The following TBC1D19 variants were observed in gnomAD, a reference collection of about 807,000 sequenced individuals.
TBC1D19 encodes TBC1 domain family, member 19.
In TBC1D19, 60 loss-of-function variants were observed where a neutral mutation model predicts 89.0. That is an observed-to-expected ratio of 0.67 (90% confidence interval 0.55 to 0.84). TBC1D19 has a LOEUF of 0.84. Ranked by LOEUF, TBC1D19 falls within the 40% of genes least tolerant of loss-of-function variation. The pLI is 0.00. For synonymous variants in TBC1D19, 189 were observed against 199.7 expected (o/e 0.95, Z 0.45); for missense variants, 500 against 610.8 (o/e 0.82, Z 1.91).
At chr4:26,833,548 C>T in the TBC1D19 span, among the ~76,000 whole-genome samples, 1 of 152,152 alleles carries the variant, frequency 6.6e-6, no homozygotes, top group Non-Finnish European at 1.5e-5. Context: ...CAGTCAGTAG[C>T]AGTAAAGGTG....
intron 7 of TBC1D19, among the ~76,000 whole-genome samples, chr4:26,650,463 GTGA>G (rs1398764289): frequency 6.6e-6 from 1 of 152,300 alleles, no homozygotes; most frequent in African/African-American, 2.4e-5. Flanking sequence ...CTGATGGCCA[GTGA>G]TGATGAGCAT....
chr4:26,623,532 C>CT (rs1742208662), intron 4 of TBC1D19, among the ~76,000 whole-genome samples: 1 of 152,148 alleles, frequency 6.6e-6, no homozygotes, highest in African/African-American at 2.4e-5. Context: ...CAGCTTCCTT[C>CT]TTTTTTGTTG....
At chr4:26,694,256 C>A (rs974317464) in intron 13 of TBC1D19, among the ~76,000 whole-genome samples, 5 of 152,304 alleles carry the variant, frequency 3.3e-5, no homozygotes, top group African/African-American at 1.2e-4. Context: ...TTATATCCCA[C>A]CCCTGGCTCG....
At chr4:26,784,427 A>G in the TBC1D19 span, among the ~76,000 whole-genome samples, 2 of 152,202 alleles carry the variant, frequency 1.3e-5, no homozygotes, top group Admixed American at 6.5e-5. Context: ...TCTCAGGCCA[A>G]TAGCCATCTT....
chr4:26,706,983 CATGGA>C (rs1715786893), intron 13 of TBC1D19, among the ~76,000 whole-genome samples: 1 of 151,930 alleles, frequency 6.6e-6, no homozygotes, highest in East Asian at 1.9e-4. Context: ...TGTGCATTTA[CATGGA>C]ATGTGTATGC....
At chr4:26,754,205 A>G in intron 20 of TBC1D19, 1 of 231,848 alleles carries the variant, frequency 4.3e-6, no homozygotes, top group Non-Finnish European at 8.6e-6. Context: ...GTTCATGTCC[A>G]TGCATTATTT....
chr4:26,658,880 CTGTT>C (rs1382458668), intron 7 of TBC1D19, among the ~76,000 whole-genome samples: 6 of 152,098 alleles, frequency 3.9e-5, no homozygotes, highest in African/African-American at 1.2e-4. Context: ...ATTTGGCTCT[CTGTT>C]TGTCTGTTAT....
chr4:26,640,331 T>C, intron 7 of TBC1D19, 144 bp downstream of exon 7: 2 of 612,664 alleles, frequency 3.3e-6, no homozygotes, highest in Non-Finnish European at 5.7e-6. Flanking sequence ...ATCAGATCTG[T>C]GTTTGAAAAT....
At chr4:26,791,447 G>C in the TBC1D19 span, among the ~76,000 whole-genome samples, 2 of 152,260 alleles carry the variant, frequency 1.3e-5, no homozygotes, top group South Asian at 4.1e-4. Context: ...AGCCACTAAA[G>C]GGTTCCGAGC....
At chr4:26,839,204 T>A in the TBC1D19 span, among the ~76,000 whole-genome samples, 3 of 152,158 alleles carry the variant, frequency 2.0e-5, no homozygotes, top group Admixed American at 2.0e-4. Flanking sequence ...AAGGGTTTTT[T>A]TTTCCTTAAA....
intron 13 of TBC1D19, among the ~76,000 whole-genome samples, chr4:26,710,189 A>T (rs1428125195): frequency 6.6e-6 from 1 of 151,304 alleles, no homozygotes; most frequent in Non-Finnish European, 1.5e-5. Context: ...CTCTCCCCCA[A>T]CCCCACAACA....
At chr4:26,663,260 A>G (rs927736996) in intron 8 of TBC1D19, among the ~76,000 whole-genome samples, 3 of 152,244 alleles carry the variant, frequency 2.0e-5, no homozygotes, top group African/African-American at 7.2e-5. Flanking sequence ...AAACATTGAT[A>G]AGTACCACAT....
the TBC1D19 span, among the ~76,000 whole-genome samples, chr4:26,822,826 A>G: frequency 6.6e-6 from 1 of 152,226 alleles, no homozygotes. Context: ...TAGAGTTTAA[A>G]ACATGTCAGA....
At chr4:26,602,961 G>A (rs998559799) in intron 1 of TBC1D19, among the ~76,000 whole-genome samples, 2 of 152,206 alleles carry the variant, frequency 1.3e-5, no homozygotes, top group African/African-American at 4.8e-5. Flanking sequence ...AAGCAGGTAT[G>A]TGATTATTGG....
At chr4:26,757,816 G>GTCTAT (rs745594706), downstream of TBC1D19, among the ~76,000 whole-genome samples, 6 of 152,152 alleles carry the variant, frequency 3.9e-5, no homozygotes, top group Non-Finnish European at 8.8e-5. Context: ...GTCTAGTCTA[G>GTCTAT]TCCTGTAGTT....
At chr4:26,636,197 T>A (rs1356610484) in intron 4 of TBC1D19, among the ~76,000 whole-genome samples, 2 of 152,048 alleles carry the variant, frequency 1.3e-5, no homozygotes, top group African/African-American at 4.8e-5. Flanking sequence ...GGGACTTTGG[T>A]ATTGTTTTAT....
At chr4:26,761,518 T>C in the TBC1D19 span, among the ~76,000 whole-genome samples, 3 of 152,232 alleles carry the variant, frequency 2.0e-5, no homozygotes, top group Non-Finnish European at 4.4e-5. Flanking sequence ...GTTATTAAAA[T>C]GTAAAATACA....
At chr4:26,823,191 A>G in the TBC1D19 span, among the ~76,000 whole-genome samples, 1 of 152,300 alleles carries the variant, frequency 6.6e-6, no homozygotes, top group East Asian at 1.9e-4. Flanking sequence ...TGTGCAGGAA[A>G]ACTCCCATTT....
the TBC1D19 span, among the ~76,000 whole-genome samples, chr4:26,790,084 T>C: frequency 1.3e-5 from 2 of 152,152 alleles, no homozygotes; most frequent in Non-Finnish European, 2.9e-5. Flanking sequence ...ATGAGTACAA[T>C]GTAAACTATT....
Sources: gnomAD v4.1 joint callset for allele counts (sites outside exome capture counted in the v4.1 genomes callset) on GRCh38, gnomAD v4.1.1 for gene constraint, MANE v1.5 for transcripts, NCBI Gene and HGNC (gene_info 2026-07-23, HGNC 2026-07-21) for gene names.